Variants in RBBP4 observed in about 807,000 individuals in gnomAD.
RBBP4 encodes the protein RB binding protein 4, chromatin remodeling factor, also known as histone-binding protein RBBP4.
A neutral mutation model predicts 57.2 loss-of-function variants in RBBP4; 3 were observed. That is an observed-to-expected ratio of 0.05 (90% CI 0.02 to 0.14). RBBP4 has a LOEUF of 0.14. Ranked by LOEUF, RBBP4 falls within the 10% of genes least tolerant of loss-of-function variation. The probability of loss-of-function intolerance (pLI) is 1.00; values close to 1 mark genes in which losing one functional copy is unlikely to be tolerated. For missense variants in RBBP4, 107 were observed against 520.6 expected, an observed-to-expected ratio of 0.21 and a Z score of 7.73; for synonymous variants, 151 against 171.5, an observed-to-expected ratio of 0.88 and a Z score of 0.93.
chr1:32,652,137 T>G, intron 2 of RBBP4, 76 bp downstream of exon 2: 2 of 1,493,818 alleles, frequency 1.3e-6, no homozygotes, highest in Non-Finnish European at 1.8e-6. Context: ...TTTTTTCCGC[T>G]CTTCAGTCAC....
intron 11 of RBBP4, among the ~76,000 whole-genome samples, chr1:32,673,269 A>G (rs748766878): frequency 1.3e-5 from 2 of 152,162 alleles, no homozygotes; most frequent in Admixed American, 1.3e-4. Context: ...CATACCATCT[A>G]TCTGCGGTGT....
chr1:32,679,322 T>C (rs987048556), intron 11 of RBBP4, among the ~76,000 whole-genome samples: 2 of 152,150 alleles, frequency 1.3e-5, no homozygotes, highest in Non-Finnish European at 2.9e-5. Context: ...TAATAATGCC[T>C]GGTTAAAGAA....
intron 3 of RBBP4, 48 bp from the exon 4 acceptor site, chr1:32,668,177 C>T: frequency 6.4e-7 from 1 of 1,552,014 alleles, no homozygotes; most frequent in South Asian, 1.1e-5. Flanking sequence ...TGGGTAACCT[C>T]TAGAGTAGCT....
chr1:32,660,712 G>T (rs1472592638), intron 3 of RBBP4, among the ~76,000 whole-genome samples: 3 of 151,532 alleles, frequency 2.0e-5, no homozygotes, highest in Non-Finnish European at 4.4e-5. Context: ...TTCATCTATT[G>T]TTGTCTTCTG....
Position 32,651,315 on chromosome 1 carries a change from C to T in RBBP4, c.9C>T (p.Asp3=), listed in dbSNP as rs1032446597. 17 of 1,469,524 alleles carry T rather than the reference C, an allele frequency of 1.2e-5. No individual in the cohort carries two copies. Among genetic ancestry groups the T allele is most frequent in the Admixed American group, 2.6e-5 (1 of 38,572 alleles). 91.0% of individuals were successfully genotyped at this position (1,469,524 alleles called of 1,614,324 possible). A position where few individuals can be genotyped will look rare whatever the true frequency, so the allele number is the denominator to read the frequency against. ...CGGCTCGCCTGCCCGCCATGGCCGA[C>T]AAGGAAGGTGAGGGTGCCGGGGCCG... The part of the protein sequence containing the change: MA[D]KEAAFDDAVE... Residue 3 remains aspartate (D), a synonymous_variant, in exon 1 of 12, where the codon GAC becomes GAT. Coordinates refer to ENST00000373493, the MANE Select transcript of RBBP4 (RefSeq NM_005610.3).
intron 4 of RBBP4, 138 bp downstream of exon 4, chr1:32,668,536 A>G (rs1435664474): frequency 1.9e-6 from 2 of 1,052,964 alleles, no homozygotes; most frequent in African/African-American, 1.6e-5. Context: ...ATTTTTCTTC[A>G]TTTTGCCTCC....
chr1:32,669,164 T>C lies in RBBP4; in HGVS notation c.761+32T>C, dbSNP rs1027104603. On this transcript the variant is annotated intron_variant, in intron 6 of 11. Coordinates refer to ENST00000373493, the MANE Select transcript of RBBP4 (RefSeq NM_005610.3). The surrounding 1 kb of genome is among the most constrained non-coding windows in gnomAD (Gnocchi z 4.9). The stretch of plus-strand genomic sequence containing the variant: ...AGAATCCATTCAGAGTTTCTAAATA[T>C]CTTGTCTAAGTTTTATGTTTAGTCA... The C allele has an allele frequency of 1.2e-6, 2 of 1,612,618 alleles. No homozygotes were observed. Among genetic ancestry groups the C allele is most frequent in the African/African-American group, 1.3e-5 (1 of 74,782 alleles).
In RBBP4 at chr1:32,676,785, A is replaced by G. The variant is rs138756189; in HGVS notation, c.1213-2855A>G. On this transcript the variant is annotated intron_variant, in intron 11 of 11. Transcript: ENST00000373493. ...TAATAAATCCCTTCAATATTAATAC[A>G]GAAACTTAATAGCTGGGCGTGATGG... 2.9e-3 allele frequency among the ~76,000 whole-genome samples: 438 copies of G among 152,244 alleles called. 1 individual carries two copies. The highest frequency in any genetic ancestry group is 4.5e-3 in the Admixed American group (69 of 15,272).
intron 11 of RBBP4, among the ~76,000 whole-genome samples, chr1:32,677,876 T>C (rs1157551887): frequency 6.6e-6 from 1 of 152,210 alleles, no homozygotes; most frequent in East Asian, 1.9e-4. Flanking sequence ...CATAGTGATA[T>C]GTGCATGGTA....
At chr1:32,655,579 T>C (rs1361463701) in intron 2 of RBBP4, among the ~76,000 whole-genome samples, 2 of 152,348 alleles carry the variant, frequency 1.3e-5, no homozygotes, top group African/African-American at 2.4e-5. Context: ...GAATTCCTAT[T>C]GATATCTTTA....
intron 2 of RBBP4, among the ~76,000 whole-genome samples, chr1:32,653,707 G>A (rs1467503905): frequency 8.0e-6 from 1 of 124,350 alleles, no homozygotes; most frequent in Non-Finnish European, 1.6e-5. Context: ...TGCCCAGGCT[G>A]GAGTGCAGTC....
chr1:32,663,552 G>T (rs1648512698), intron 3 of RBBP4, among the ~76,000 whole-genome samples: 1 of 151,150 alleles, frequency 6.6e-6, no homozygotes. Context: ...GGACTTATAG[G>T]CATGTGCCAC....
Position 32,669,348 on chromosome 1 carries a change from A to G in RBBP4, c.879A>G (p.Ser293=). Residue 293 remains serine (S), a synonymous_variant, in exon 7 of 12, where the codon TCA becomes TCG. Transcript: ENST00000373493. This position sits in a 1 kb window ranked among gnomAD's most constrained non-coding sequence, Gnocchi z 4.9. The part of the protein sequence containing the change: ...PYSEFILATG[S]ADKTVALWDL... ...GTGAGTTCATTCTTGCCACAGGATC[A>G]GCTGACAAGGTCAGTTTCGTTTATT... is the stretch of plus-strand genomic sequence containing the variant. The G allele has an allele frequency of 6.2e-7, 1 of 1,605,134 alleles. No homozygotes were observed. The highest frequency in any genetic ancestry group is 8.5e-7 in the Non-Finnish European group (1 of 1,178,238).
chr1:32,675,360 GAAATA>G (rs1315324245), intron 11 of RBBP4, among the ~76,000 whole-genome samples: 1 of 152,020 alleles, frequency 6.6e-6, no homozygotes, highest in Non-Finnish European at 1.5e-5. Flanking sequence ...ATTGAAGACA[GAAATA>G]AAATAAGTTT....
intron 1 of RBBP4, 194 bp from the exon 2 acceptor site, chr1:32,651,720 C>T (rs1386335666): frequency 1.9e-5 from 15 of 805,264 alleles, no homozygotes; most frequent in Admixed American, 8.7e-5. Context: ...GAACGGGTAA[C>T]GGAGTGTTTG....
In RBBP4 at chr1:32,669,622, C is replaced by T. The variant is rs1648786144; in HGVS notation, c.966+59C>T. On this transcript the variant is annotated intron_variant, in intron 8 of 11. Transcript: ENST00000373493. This position sits in a 1 kb window ranked among gnomAD's most constrained non-coding sequence, Gnocchi z 4.9. ...TTAAGAAAAACCTGCTGGGCGCGGT[C>T]GCTCACGCCTGTAATCCCAGCACTT... 27 of 1,552,502 alleles carry T rather than the reference C, an allele frequency of 1.7e-5. No homozygotes were observed. Among genetic ancestry groups the T allele is most frequent in the Non-Finnish European group, 2.2e-5 (25 of 1,153,160 alleles).
At position 32,680,503 on chromosome 1, in the gene RBBP4, T is replaced by A. The variant is rs1424801047; in HGVS notation, c.*798T>A. The A allele has an allele frequency of 1.2e-5, 18 of 1,541,878 alleles. No individual in the cohort carries two copies. The highest frequency in any genetic ancestry group is 1.6e-5 in the Non-Finnish European group (18 of 1,143,930). On this transcript the variant is annotated 3_prime_UTR_variant, in exon 12 of 12. Transcript: ENST00000373493. ...TTTTAAAAATTAAATTAATCCTTGATAAGAGTTGCTTTTTTTTTTTAGGAG... is the reference window on the plus strand; with the variant it reads ...TTTTAAAAATTAAATTAATCCTTGAAAAGAGTTGCTTTTTTTTTTTAGGAG...
chr1:32,662,522 A>C (rs1648468886), intron 3 of RBBP4, among the ~76,000 whole-genome samples: 1 of 151,412 alleles, frequency 6.6e-6, no homozygotes, highest in Non-Finnish European at 1.5e-5. Flanking sequence ...GATTACAGGC[A>C]TGCACCACCA....
chr1:32,659,847 T>G (rs1231695910), intron 3 of RBBP4, among the ~76,000 whole-genome samples: 1 of 152,210 alleles, frequency 6.6e-6, no homozygotes, highest in Non-Finnish European at 1.5e-5. Context: ...GATAGACATT[T>G]AGATGGTTTC....
Sources: allele counts gnomAD v4.1 joint callset (sites outside exome capture counted in the v4.1 genomes callset), GRCh38; gene constraint gnomAD v4.1.1; non-coding constraint Gnocchi (gnomAD v3.1); transcripts MANE v1.5; gene names NCBI Gene and HGNC (gene_info 2026-07-23, HGNC 2026-07-21).